LOC128125822: variants seen among roughly 807,000 people sequenced by gnomAD.
chr6:63,578,502 T>A, the LOC128125822 span: 2 of 1,612,334 alleles, frequency 1.2e-6, no homozygotes, highest in Admixed American at 1.7e-5. Context: ...ACACTACTCT[T>A]GTGGAGAAAG....
the LOC128125822 span, chr6:63,580,266 A>C: frequency 9.4e-7 from 1 of 1,066,608 alleles, no homozygotes; most frequent in African/African-American, 1.6e-5. Flanking sequence ...AGTAAGTCTA[A>C]TGAAGCTTCC....
chr6:63,581,601 G>A, the LOC128125822 span: 1 of 152,082 alleles, frequency 6.6e-6, no homozygotes, highest in Non-Finnish European at 1.5e-5. Flanking sequence ...GACAAAATTT[G>A]TTAGGGTCAT....
At chr6:63,579,266 A>G in the LOC128125822 span, 6 of 1,610,496 alleles carry the variant, frequency 3.7e-6, no homozygotes, top group Non-Finnish European at 4.2e-6. Context: ...GAGCTCCAGT[A>G]CTTGTTGCCC....
the LOC128125822 span, chr6:63,578,856 T>C: frequency 6.9e-7 from 1 of 1,443,324 alleles, no homozygotes; most frequent in Non-Finnish European, 9.3e-7. Context: ...CTACAGTGTT[T>C]ATATTAATGA....
chr6:63,575,517 T>G, the LOC128125822 span, among the ~76,000 whole-genome samples: 5 of 152,188 alleles, frequency 3.3e-5, no homozygotes, highest in African/African-American at 1.2e-4. Context: ...ATAAATACAT[T>G]CATATTTGTT....
the LOC128125822 span, chr6:63,576,445 G>A: frequency 2.5e-6 from 1 of 399,500 alleles, no homozygotes; most frequent in East Asian, 3.6e-5. Flanking sequence ...GCAATTCTGT[G>A]GTGTTCTTGG....
chr6:63,580,743 T>TTA, the LOC128125822 span: 2 of 152,430 alleles, frequency 1.3e-5, no homozygotes, highest in East Asian at 3.9e-4. Flanking sequence ...TTTTTTTTTT[T>TTA]ACCAAGTCTT....
chr6:63,580,429 T>G, the LOC128125822 span: 1 of 395,382 alleles, frequency 2.5e-6, no homozygotes, highest in Non-Finnish European at 4.7e-6. Flanking sequence ...CAATTGACCT[T>G]TCCCCAAATC....
chr6:63,583,062 A>G, the LOC128125822 span: 1 of 152,214 alleles, frequency 6.6e-6, no homozygotes, highest in Non-Finnish European at 1.5e-5. Context: ...AGAACATAAA[A>G]GATGGTGTCA....
At chr6:63,579,363 C>T in the LOC128125822 span, 1 of 1,500,648 alleles carries the variant, frequency 6.7e-7, no homozygotes. Context: ...CATTTGTACT[C>T]TCTTTCATTT....
the LOC128125822 span, among the ~76,000 whole-genome samples, chr6:63,575,081 A>G: frequency 1.3e-4 from 20 of 152,254 alleles, no homozygotes; most frequent in Admixed American, 4.6e-4. Context: ...AGTAATCATC[A>G]TAAGAATTAT....
At chr6:63,579,438 A>C in the LOC128125822 span, 1 of 778,826 alleles carries the variant, frequency 1.3e-6, no homozygotes. Flanking sequence ...TTATTTTTTG[A>C]GATAGTATTA....
chr6:63,577,416 CA>C, the LOC128125822 span, among the ~76,000 whole-genome samples: 3 of 151,962 alleles, frequency 2.0e-5, no homozygotes, highest in Non-Finnish European at 2.9e-5. Flanking sequence ...GCTATGTAGC[CA>C]AAACTCTACC....
the LOC128125822 span, chr6:63,583,246 T>C: frequency 6.6e-6 from 1 of 152,232 alleles, no homozygotes; most frequent in Admixed American, 6.5e-5. Flanking sequence ...AGTTAAGTTT[T>C]AAACAAAATA....
At chr6:63,583,218 A>C in the LOC128125822 span, 1 of 152,208 alleles carries the variant, frequency 6.6e-6, no homozygotes, top group African/African-American at 2.4e-5. Context: ...TTACATGTAA[A>C]CAATGAAGTT....
the LOC128125822 span, chr6:63,579,446 T>C: frequency 4.3e-6 from 3 of 701,654 alleles, no homozygotes; most frequent in Non-Finnish European, 6.5e-6. Context: ...TGAGATAGTA[T>C]TAAAACCAGG....
the LOC128125822 span, chr6:63,576,841 T>G: frequency 4.6e-6 from 7 of 1,511,120 alleles, no homozygotes; most frequent in Non-Finnish European, 6.3e-6. Flanking sequence ...TTTTTTTAAT[T>G]ATTTCATAAC....
the LOC128125822 span, among the ~76,000 whole-genome samples, chr6:63,574,809 A>G: frequency 2.0e-5 from 3 of 152,184 alleles, no homozygotes; most frequent in Non-Finnish European, 4.4e-5. Context: ...TTGTATTTAG[A>G]ATTTGGGGTG....
the LOC128125822 span, among the ~76,000 whole-genome samples, chr6:63,574,246 C>T: frequency 6.6e-6 from 1 of 152,190 alleles, no homozygotes; most frequent in Non-Finnish European, 1.5e-5. Context: ...AAAGGAGTTA[C>T]ACACATTAAT....
Sources: gnomAD v4.1 joint callset for allele counts (sites outside exome capture counted in the v4.1 genomes callset) on GRCh38, gnomAD v4.1.1 for gene constraint, MANE v1.5 for transcripts.